The following GABRG3 variants were observed in gnomAD, a reference collection of about 807,000 sequenced individuals.
The protein encoded by GABRG3 is gamma-aminobutyric acid receptor subunit gamma-3.
Under a neutral mutation model 48.8 loss-of-function variants are expected in GABRG3, and 25 were observed. The ratio of observed to expected loss-of-function variants is 0.51; its 90% CI spans 0.37 to 0.72. The LOEUF (loss-of-function observed/expected upper bound fraction) is 0.72, where lower values mean the gene tolerates loss of function less well. GABRG3 is among the 30% of genes least tolerant of loss of function. GABRG3 has a pLI of 0.00. For missense variants in GABRG3, 394 were observed against 577.9 expected (o/e 0.68, Z 3.26); for synonymous variants, 227 against 217.6 (o/e 1.04, Z -0.38).
intron 5 of GABRG3, among the ~76,000 whole-genome samples, chr15:27,350,698 C>G (rs1259895342): frequency 6.6e-6 from 1 of 152,116 alleles, no homozygotes; most frequent in Non-Finnish European, 1.5e-5. Context: ...AGGGAGAGAG[C>G]CTGGTGAGGA....
At chr15:27,015,608 C>T (rs534949495) in intron 2 of GABRG3, among the ~76,000 whole-genome samples, 108 of 151,834 alleles carry the variant, frequency 7.1e-4, no homozygotes, top group Middle Eastern at 3.4e-3. Context: ...AGGATGGTCT[C>T]GATCTCCTGA....
chr15:27,274,304 G>A (rs1304321274), intron 3 of GABRG3, among the ~76,000 whole-genome samples: 1 of 152,162 alleles, frequency 6.6e-6, no homozygotes, highest in Non-Finnish European at 1.5e-5. Context: ...GACACCTGAG[G>A]CTGGGTAATT....
At position 27,157,023 on chromosome 15, in the gene GABRG3, C is replaced by T. The variant is rs559129630; in HGVS notation, c.270+130202C>T. On this transcript the variant is annotated intron_variant, in intron 3 of 9. Transcript: ENST00000615808. ...GTTGCAGGAGATGAAGACTCCCTCCCCCAGCCCCAAGTCCAACAGAGAAAG... is the reference window on the plus strand; with the variant it reads ...GTTGCAGGAGATGAAGACTCCCTCCTCCAGCCCCAAGTCCAACAGAGAAAG... Among the ~76,000 whole-genome samples, 10 of 152,258 alleles carry T rather than the reference C, an allele frequency of 6.6e-5. No individual in the cohort carries two copies. In the South Asian group the frequency reaches 8.3e-4, roughly 13 times the overall value.
chr15:27,315,112 G>A (rs997827226), intron 3 of GABRG3, among the ~76,000 whole-genome samples: 2 of 152,068 alleles, frequency 1.3e-5, no homozygotes, highest in African/African-American at 4.8e-5. Context: ...CTACCTATAA[G>A]GTGAATGAGT....
intron 3 of GABRG3, among the ~76,000 whole-genome samples, chr15:27,248,914 G>T (rs1173616889): frequency 6.6e-6 from 1 of 152,006 alleles, no homozygotes; most frequent in Non-Finnish European, 1.5e-5. Flanking sequence ...ATGAACGGGG[G>T]ATTCTTTTAA....
intron 5 of GABRG3, among the ~76,000 whole-genome samples, chr15:27,455,472 G>A (rs1889239566): frequency 6.7e-6 from 1 of 149,494 alleles, no homozygotes; most frequent in Non-Finnish European, 1.5e-5. Flanking sequence ...GAGTTTGCAT[G>A]GTATGTGTGT....
chr15:27,145,606 T>TATCTATCTCTATCTATCTATCTATCTATC (rs1898188162), intron 3 of GABRG3, among the ~76,000 whole-genome samples: 1 of 118,266 alleles, frequency 8.5e-6, no homozygotes, highest in Admixed American at 8.9e-5. Flanking sequence ...TATCTATCTC[T>TATCTATCTCTATCTATCTATCTATCTATC]ATCTATCTAT....
chr15:26,995,669 A>G (rs1244393827), intron 2 of GABRG3, among the ~76,000 whole-genome samples: 1 of 152,050 alleles, frequency 6.6e-6, no homozygotes, highest in Admixed American at 6.5e-5. Context: ...GGCAATATAC[A>G]TGTCATTGAA....
intron 2 of GABRG3, among the ~76,000 whole-genome samples, chr15:26,994,158 C>T (rs984019990): frequency 2.0e-5 from 3 of 151,922 alleles, no homozygotes; most frequent in Non-Finnish European, 2.9e-5. Flanking sequence ...CCCATCCATT[C>T]AGCCCTCCAT....
At chr15:26,991,428 T>C (rs1895246223) in intron 2 of GABRG3, among the ~76,000 whole-genome samples, 1 of 152,220 alleles carries the variant, frequency 6.6e-6, no homozygotes, top group Admixed American at 6.5e-5. Flanking sequence ...ATATACATTT[T>C]AGGATAGTTT....
At position 27,352,399 on chromosome 15, in the gene GABRG3, C is replaced by G. The variant is rs1283502509; in HGVS notation, c.574+23511C>G. Among the ~76,000 whole-genome samples, 1 of 151,888 alleles carries G rather than the reference C, an allele frequency of 6.6e-6. No homozygotes were observed. Among genetic ancestry groups the G allele is most frequent in the Non-Finnish European group, 1.5e-5 (1 of 67,982 alleles). ...ATTTCTCTTATTCCGTTAGCTGAAG[C>G]TTAGAAAAATAACCCAGGAAATCCC... On this transcript the variant is annotated intron_variant, in intron 5 of 9. Coordinates refer to ENST00000615808, the MANE Select transcript of GABRG3 (RefSeq NM_033223.5). This position sits in a 1 kb window ranked among gnomAD's most constrained non-coding sequence, Gnocchi z 4.0.
chr15:27,336,175 G>A (rs558518181), intron 5 of GABRG3, among the ~76,000 whole-genome samples: 2 of 147,686 alleles, frequency 1.4e-5, no homozygotes, highest in South Asian at 2.1e-4. Context: ...GGAAACAAGA[G>A]CAAGAGTCAG....
chr15:27,025,903 G>A (rs547586472), intron 2 of GABRG3, among the ~76,000 whole-genome samples: 2 of 152,304 alleles, frequency 1.3e-5, no homozygotes, highest in South Asian at 2.1e-4. Flanking sequence ...GCCACTGAGT[G>A]CAGGGTGAAG....
intron 3 of GABRG3, among the ~76,000 whole-genome samples, chr15:27,217,680 A>G (rs1025326295): frequency 6.6e-6 from 1 of 152,154 alleles, no homozygotes; most frequent in African/African-American, 2.4e-5. Flanking sequence ...AGTTAAGTGC[A>G]CTCTCACTAC....
At chr15:27,013,926 A>G (rs908832374) in intron 2 of GABRG3, among the ~76,000 whole-genome samples, 1 of 152,132 alleles carries the variant, frequency 6.6e-6, no homozygotes, top group Admixed American at 6.5e-5. Flanking sequence ...GGAATTATAT[A>G]GAATCTGTAG....
At chr15:27,295,719 A>AG (rs1470234474) in intron 3 of GABRG3, among the ~76,000 whole-genome samples, 1 of 152,132 alleles carries the variant, frequency 6.6e-6, no homozygotes, top group East Asian at 1.9e-4. Flanking sequence ...CCCCTCCCAG[A>AG]GGGGGTCTGG....
At chr15:27,229,066 T>C (rs912435073) in intron 3 of GABRG3, among the ~76,000 whole-genome samples, 1 of 152,218 alleles carries the variant, frequency 6.6e-6, no homozygotes, top group African/African-American at 2.4e-5. Flanking sequence ...CTCTTAAGTT[T>C]AATTAGATCC....
chr15:27,153,847 A>C (rs983901336), intron 3 of GABRG3, among the ~76,000 whole-genome samples: 1 of 152,146 alleles, frequency 6.6e-6, no homozygotes, highest in Non-Finnish European at 1.5e-5. Flanking sequence ...GATAATTCCA[A>C]AATCTGTGTC....
intron 3 of GABRG3, among the ~76,000 whole-genome samples, chr15:27,063,991 G>A (rs1390846167): frequency 6.6e-6 from 1 of 152,198 alleles, no homozygotes; most frequent in African/African-American, 2.4e-5. Flanking sequence ...TCTAGGTGCT[G>A]TCCCCAGTCA....
Sources: gnomAD v4.1 joint callset for allele counts (sites outside exome capture counted in the v4.1 genomes callset) on GRCh38, gnomAD v4.1.1 for gene constraint, Gnocchi (gnomAD v3.1) non-coding constraint, MANE v1.5 for transcripts, NCBI Gene and HGNC (gene_info 2026-07-23, HGNC 2026-07-21) for gene names.